The following UBAP2L variants were observed in gnomAD, a reference collection of about 807,000 sequenced individuals.
The protein encoded by UBAP2L is ubiquitin associated protein 2 like, also known as ubiquitin-associated protein 2-like.
A neutral mutation model predicts 130.6 loss-of-function variants in UBAP2L; 12 were observed. The observed-to-expected ratio is 0.09, with a 90% confidence interval of 0.06 to 0.15. The LOEUF (loss-of-function observed/expected upper bound fraction) is 0.15. Ranked by LOEUF, UBAP2L falls within the 10% of genes least tolerant of loss-of-function variation. UBAP2L has a pLI of 1.00. For missense variants in UBAP2L, 965 were observed against 1,332.5 expected, an observed-to-expected ratio of 0.72 and a Z score of 4.29; for synonymous variants, 503 against 524.7, an observed-to-expected ratio of 0.96 and a Z score of 0.57.
At chr1:154,247,968 A>ATTTTTTT (rs201114755) in intron 11 of UBAP2L, among the ~76,000 whole-genome samples, 1 of 147,352 alleles carries the variant, frequency 6.8e-6, no homozygotes. Flanking sequence ...TTTTTTATTT[A>ATTTTTTT]TTTTTTATTT....
chr1:154,264,990 G>C (rs1682792831), intron 24 of UBAP2L, among the ~76,000 whole-genome samples: 2 of 152,198 alleles, frequency 1.3e-5, no homozygotes, highest in African/African-American at 4.8e-5. Flanking sequence ...TACCCCATTA[G>C]CCCTTTAAGA....
rs1671224354 is a variant in UBAP2L, at chr1:154,235,176, AATTTTT to A, written c.449-9_449-4del. The A allele has an allele frequency of 4.0e-6, 3 of 746,476 alleles. No individual in the cohort carries two copies. Among genetic ancestry groups the A allele is most frequent in the African/African-American group, 1.7e-5 (1 of 57,550 alleles). 46.2% of individuals were successfully genotyped at this position (746,476 alleles called of 1,614,324 possible). Reference sequence around the variant, plus strand: ...GTTTTTTTGTTGTTGTTGTTGTTTTAATTTTTATTTTTATTTCAGTTCGAGGTCAGG... The same window carrying A: ...GTTTTTTTGTTGTTGTTGTTGTTTTAATTTTTATTTCAGTTCGAGGTCAGG... On this transcript the variant is annotated splice_polypyrimidine_tract_variant and intron_variant, in intron 5 of 26. Coordinates refer to ENST00000428931, the MANE Select transcript of UBAP2L (RefSeq NM_014847.4).
At chr1:154,269,302 G>A in intron 26 of UBAP2L, 1 of 1,344,480 alleles carries the variant, frequency 7.4e-7, no homozygotes, top group Non-Finnish European at 1.0e-6. Flanking sequence ...CCTTCTAATG[G>A]TGGAGTTCTA....
intron 15 of UBAP2L, among the ~76,000 whole-genome samples, chr1:154,254,431 G>C (rs1369645049): frequency 6.6e-6 from 1 of 152,198 alleles, no homozygotes; most frequent in East Asian, 1.9e-4. Flanking sequence ...TGGTGAGGGA[G>C]ACAGCATGTG....
intron 24 of UBAP2L, among the ~76,000 whole-genome samples, chr1:154,262,617 G>A (rs1482763915): frequency 6.6e-6 from 1 of 152,152 alleles, no homozygotes; most frequent in Non-Finnish European, 1.5e-5. Context: ...CTCTGGGTGG[G>A]TCAGTTGCCC....
At chr1:154,220,741 G>C (rs910816717), upstream of UBAP2L, 7 of 330,776 alleles carry the variant, frequency 2.1e-5, no homozygotes, top group African/African-American at 6.5e-5. Flanking sequence ...CGTGAAGGAG[G>C]CGGGGTGGAC....
chr1:154,244,130 T>C (rs973710767), intron 10 of UBAP2L, among the ~76,000 whole-genome samples: 1 of 152,186 alleles, frequency 6.6e-6, no homozygotes, highest in African/African-American at 2.4e-5. Flanking sequence ...ATATTTTTAA[T>C]TCGCTGGAAA....
chr1:154,263,969 T>C (rs1682436594), intron 24 of UBAP2L, among the ~76,000 whole-genome samples: 1 of 152,186 alleles, frequency 6.6e-6, no homozygotes, highest in Non-Finnish European at 1.5e-5. Context: ...TGACTCAGGC[T>C]CTGTGGCGAC....
intron 12 of UBAP2L, among the ~76,000 whole-genome samples, chr1:154,250,481 C>T (rs563980672): frequency 6.6e-6 from 1 of 152,178 alleles, no homozygotes; most frequent in Non-Finnish European, 1.5e-5. Flanking sequence ...TGAGAACTTG[C>T]GGTACTTTAA....
intron 10 of UBAP2L, among the ~76,000 whole-genome samples, chr1:154,245,071 G>C (rs373506670): frequency 6.6e-6 from 1 of 152,046 alleles, no homozygotes; most frequent in African/African-American, 2.4e-5. Context: ...AGCTGGTATA[G>C]TAGGCACCCG....
At position 154,235,253 on chromosome 1, in the gene UBAP2L, G is replaced by A. The variant is rs763416460; in HGVS notation, c.506G>A (p.Gly169Glu). The change falls in exon 6 of 27, where the codon GGA becomes GAA. Residue 169 changes from glycine (G) to glutamate (E), a missense_variant. Coordinates refer to ENST00000428931, the MANE Select transcript of UBAP2L (RefSeq NM_014847.4). ...AAGAGTGGAGGGCCTTCTGGAAGAG[G>A]AACAGAAAGAGGCAGAAGGGGCCGT... ...GTKSGGPSGR[G>E]TERGRRGRGR... The A allele has an allele frequency of 1.3e-6, 1 of 779,392 alleles. No homozygotes were observed. The highest frequency in any genetic ancestry group is 2.4e-6 in the Non-Finnish European group (1 of 417,762). 48.3% of individuals were successfully genotyped at this position (779,392 alleles called of 1,614,324 possible). A position where few individuals can be genotyped will look rare whatever the true frequency, so the allele number is the denominator to read the frequency against.
chr1:154,250,297 T>C (rs977661156), intron 12 of UBAP2L, among the ~76,000 whole-genome samples: 2 of 152,130 alleles, frequency 1.3e-5, no homozygotes, highest in African/African-American at 4.8e-5. Context: ...GGCGATCTGC[T>C]GGTCTTGGCC....
intron 11 of UBAP2L, 82 bp from the exon 12 acceptor site, chr1:154,249,157 C>G (rs773159565): frequency 5.5e-5 from 76 of 1,378,612 alleles, no homozygotes; most frequent in Non-Finnish European, 4.2e-5. Context: ...TATACTGGCT[C>G]TCGGTCTGGA....
chr1:154,220,552 T>A (rs1373129862), upstream of UBAP2L: 3 of 788,128 alleles, frequency 3.8e-6, no homozygotes, highest in African/African-American at 1.7e-5. Context: ...AGACCCGGCC[T>A]GAAAACATGG....
intron 1 of UBAP2L, among the ~76,000 whole-genome samples, chr1:154,222,727 C>T (rs1245958692): frequency 6.6e-6 from 1 of 152,212 alleles, no homozygotes; most frequent in Non-Finnish European, 1.5e-5. Context: ...AGATTGTAAG[C>T]TCCCTGAGGG....
intron 21 of UBAP2L, 132 bp from the exon 22 acceptor site, chr1:154,259,816 T>C: frequency 2.0e-6 from 2 of 989,272 alleles, no homozygotes; most frequent in Non-Finnish European, 3.2e-6. Flanking sequence ...GTGCTAACTC[T>C]AGCCAGCTTA....
intron 4 of UBAP2L, among the ~76,000 whole-genome samples, chr1:154,232,549 T>C (rs1182507541): frequency 3.3e-5 from 5 of 152,154 alleles, no homozygotes; most frequent in Non-Finnish European, 7.3e-5. Context: ...ATCATAGATA[T>C]GTATTTTTCA....
chr1:154,266,419 G>C (rs539529002), intron 24 of UBAP2L, 82 bp from the exon 25 acceptor site: 46 of 1,435,764 alleles, frequency 3.2e-5, no homozygotes, highest in Non-Finnish European at 4.0e-5. Flanking sequence ...AGCTAGAAAG[G>C]CTACAGATAT....
upstream of UBAP2L, chr1:154,220,477 C>A: frequency 6.3e-7 from 1 of 1,586,576 alleles, no homozygotes; most frequent in Middle Eastern, 1.7e-4. Context: ...CAGGCTCCGC[C>A]GAAGCGACGG....
Sources: gnomAD v4.1 joint callset for allele counts (sites outside exome capture counted in the v4.1 genomes callset) on GRCh38, gnomAD v4.1.1 for gene constraint, MANE v1.5 for transcripts, NCBI Gene and HGNC (gene_info 2026-07-23, HGNC 2026-07-21) for gene names.